VWA8: variants seen among roughly 807,000 people sequenced by gnomAD.
The protein encoded by VWA8 is von Willebrand factor A domain containing 8, also known as von Willebrand factor A domain-containing protein 8.
In VWA8, 221 loss-of-function variants were observed where a neutral mutation model predicts 241.5. The ratio of observed to expected loss-of-function variants is 0.91; its 90% CI spans 0.82 to 1.02. The LOEUF (loss-of-function observed/expected upper bound fraction) is 1.02. Among genes scored for constraint, VWA8 ranks in the 50% least tolerant of loss-of-function variants. The probability of loss-of-function intolerance (pLI) is 0.00; values close to 1 mark genes in which losing one functional copy is unlikely to be tolerated. For synonymous variants in VWA8, 852 were observed against 827.1 expected (o/e 1.03, Z -0.52); for missense variants, 2,322 against 2,328.7 (o/e 1.00, Z 0.06).
chr13:41,912,690 A>C (rs968015455), intron 2 of VWA8, among the ~76,000 whole-genome samples: 1 of 152,212 alleles, frequency 6.6e-6, no homozygotes, highest in Non-Finnish European at 1.5e-5. Context: ...GGGTTGTAAG[A>C]TCATGGTTAG....
intron 36 of VWA8, among the ~76,000 whole-genome samples, chr13:41,672,226 A>G (rs1298499389): frequency 6.6e-6 from 1 of 152,204 alleles, no homozygotes; most frequent in African/African-American, 2.4e-5. Context: ...ACGTGACTCT[A>G]TAACAAGGAA....
chr13:41,939,524 G>A (rs1453626412), intron 2 of VWA8, among the ~76,000 whole-genome samples: 1 of 152,102 alleles, frequency 6.6e-6, no homozygotes, highest in African/African-American at 2.4e-5. Context: ...TGTCTATGAT[G>A]TGCCAGATGC....
At chr13:41,598,713 G>A (rs2044503590) in intron 40 of VWA8, among the ~76,000 whole-genome samples, 1 of 152,038 alleles carries the variant, frequency 6.6e-6, no homozygotes, top group African/African-American at 2.4e-5. Flanking sequence ...TCAAAATCCT[G>A]CAGACCTTGT....
rs775710157 is a variant in VWA8 at position 41,703,355 on chromosome 13, C to T, written c.3173G>A (p.Ser1058Asn). 1 of 1,614,108 alleles carries T rather than the reference C, an allele frequency of 6.2e-7. No individual in the cohort carries two copies. The highest frequency in any genetic ancestry group is 1.7e-5 in the Admixed American group (1 of 60,028). Reference protein sequence around the residue: ...MGYWTIGQARSGMQKLLCPVE... With the variant: ...MGYWTIGQARNGMQKLLCPVE... Reference sequence around the variant, plus strand: ...TGGACACAAGAGTTTTTGCATCCCACTTCTTGCCTGACCAATTGTCCAGTA... The same window carrying T: ...TGGACACAAGAGTTTTTGCATCCCATTTCTTGCCTGACCAATTGTCCAGTA... The change falls in exon 27 of 45, where the codon AGT (serine) becomes AAT (asparagine). Residue 1058 changes from serine (S) to asparagine (N), a missense_variant. Ser to Asn is a conservative substitution (Grantham distance 46). Transcript: ENST00000379310.
At chr13:41,601,580 TG>T (rs750685038) in intron 40 of VWA8, among the ~76,000 whole-genome samples, 37 of 152,244 alleles carry the variant, frequency 2.4e-4, no homozygotes, top group Admixed American at 4.6e-4. Context: ...TTTGTAAGAA[TG>T]GATGTTTTCT....
intron 2 of VWA8, among the ~76,000 whole-genome samples, chr13:41,927,576 C>T (rs138520254): frequency 9.9e-5 from 15 of 151,700 alleles, no homozygotes; most frequent in African/African-American, 3.1e-4. Context: ...TTATGTAAGC[C>T]TCATCATACC....
intron 21 of VWA8, among the ~76,000 whole-genome samples, chr13:41,750,569 T>C (rs1440463951): frequency 6.6e-6 from 1 of 151,724 alleles, no homozygotes; most frequent in Non-Finnish European, 1.5e-5. Context: ...TTAAGAGAAA[T>C]TGAAATCAAC....
chr13:41,920,059 C>G (rs1391273701), intron 2 of VWA8, among the ~76,000 whole-genome samples: 2 of 152,146 alleles, frequency 1.3e-5, no homozygotes, highest in Non-Finnish European at 2.9e-5. Context: ...CTCCCTGTCC[C>G]CTGGGCCGTA....
intron 10 of VWA8, among the ~76,000 whole-genome samples, chr13:41,866,643 T>C (rs1002703109): frequency 6.6e-6 from 1 of 152,122 alleles, no homozygotes; most frequent in Non-Finnish European, 1.5e-5. Context: ...ATCAGATGTA[T>C]TCATAAAAAT....
At chr13:41,823,900 G>A (rs1871068761) in intron 14 of VWA8, among the ~76,000 whole-genome samples, 1 of 152,148 alleles carries the variant, frequency 6.6e-6, no homozygotes, top group South Asian at 2.1e-4. Flanking sequence ...TGAAAGGGTT[G>A]GTAGCCCACT....
chr13:41,827,715 G>C (rs1871239906), intron 14 of VWA8, among the ~76,000 whole-genome samples: 2 of 152,174 alleles, frequency 1.3e-5, no homozygotes, highest in Non-Finnish European at 2.9e-5. Context: ...GTATTTATGA[G>C]AGTGACATAA....
rs1878215798 is a variant in VWA8, at chr13:41,953,275, G to A, written c.164-3262C>T. Among the ~76,000 whole-genome samples, 4 of 152,304 alleles carry A rather than the reference G, an allele frequency of 2.6e-5. No individual in the cohort carries two copies. In the South Asian group the frequency reaches 8.3e-4, roughly 32 times the overall value. ...ACATTATTAATCACTTGGCCTAAAT[G>A]ACATTTATGGAACACTACACCCAAC... is the stretch of plus-strand genomic sequence containing the variant. On this transcript the variant is annotated intron_variant, in intron 1 of 44. Coordinates refer to ENST00000379310, the MANE Select transcript of VWA8 (RefSeq NM_015058.2).
chr13:41,783,827 C>T lies in VWA8; in HGVS notation c.2245G>A (p.Val749Met), dbSNP rs141078922. Residue 749 changes from valine to methionine, a missense_variant, in exon 19 of 45, where the codon GTG becomes ATG. Coordinates refer to ENST00000379310, the MANE Select transcript of VWA8 (RefSeq NM_015058.2). ...TTGTCATAGAAAAGAACATCAGGCA[C>T]TTTCATTTTCTCATGTGCATTATAG... ...PIYNAHEKMK[V>M]PDVLFYDNIQ... is the part of the protein sequence containing the mutation. 1.9e-6 allele frequency: 3 copies of T among 1,612,420 alleles called. No homozygotes were observed. Among genetic ancestry groups the T allele is most frequent in the South Asian group, 1.1e-5 (1 of 90,940 alleles).
chr13:41,886,750 A>C lies in VWA8; in HGVS notation c.866+31T>G, dbSNP rs549179985. The C allele has an allele frequency of 8.0e-5, 123 of 1,537,408 alleles. 1 individual carries two copies. The South Asian group carries it at 1.3e-3, about 16-fold the overall frequency. On this transcript the variant is annotated intron_variant, in intron 7 of 44. Transcript: ENST00000379310. ...AACAGGCAAAACAAATTCAATATTC[A>C]GTGTCCAGACATTTATAAAAATATA...
chr13:41,868,489 C>T lies in VWA8; in HGVS notation c.1081-12G>A, dbSNP rs553489098. The T allele has an allele frequency of 6.2e-7, 1 of 1,606,936 alleles. No individual in the cohort carries two copies. Among genetic ancestry groups the T allele is most frequent in the East Asian group, 2.2e-5 (1 of 44,766 alleles). On this transcript the variant is annotated splice_polypyrimidine_tract_variant and intron_variant, in intron 9 of 44. Coordinates refer to ENST00000379310, the MANE Select transcript of VWA8 (RefSeq NM_015058.2). ...TGAAGTTCAAAGCGCTGTAAAATTA[C>T]AAGAAAATCATGCAATTTACTTTTC...
intron 17 of VWA8, among the ~76,000 whole-genome samples, chr13:41,790,410 G>C (rs1026382183): frequency 1.1e-4 from 16 of 151,810 alleles, no homozygotes; most frequent in Admixed American, 9.2e-4. Flanking sequence ...TTTATCCATA[G>C]GTGTTGATCC....
At chr13:41,715,326 T>C (rs80300173) in intron 26 of VWA8, among the ~76,000 whole-genome samples, 4,692 of 152,078 alleles carry the variant, frequency 0.031, 123 homozygotes, top group African/African-American at 0.072. Context: ...ATTTCATTGT[T>C]GATCTATGAA....
chr13:41,697,918 C>T (rs9594612), intron 29 of VWA8, among the ~76,000 whole-genome samples: 5,240 of 152,190 alleles, frequency 0.034, 297 homozygotes, highest in African/African-American at 0.12. Context: ...TTCCCCACTA[C>T]GCTTCTTTAA....
At position 41,862,509 on chromosome 13, in the gene VWA8, A is replaced by G. The variant is rs140158929; in HGVS notation, c.1425+3227T>C. 6.1e-3 allele frequency among the ~76,000 whole-genome samples: 933 copies of G among 152,306 alleles called. 3 individuals are homozygous for G. Among genetic ancestry groups the G allele is most frequent in the Non-Finnish European group, 0.01 (691 of 68,028 alleles). On this transcript the variant is annotated intron_variant, in intron 12 of 44. Transcript: ENST00000379310. ...GAGCTATCAGCAAAGTAAGCAGACAACCTCCAGAATGGGAGAAAATATTCA... is the reference window on the plus strand; with the variant it reads ...GAGCTATCAGCAAAGTAAGCAGACAGCCTCCAGAATGGGAGAAAATATTCA...
Sources: gnomAD v4.1 joint callset for allele counts (sites outside exome capture counted in the v4.1 genomes callset) on GRCh38, gnomAD v4.1.1 for gene constraint, MANE v1.5 for transcripts, NCBI Gene and HGNC (gene_info 2026-07-23, HGNC 2026-07-21) for gene names.